The following TAAR5 variants were observed in gnomAD, a reference collection of about 807,000 sequenced individuals.
TAAR5 encodes the protein trace amine associated receptor 5.
In TAAR5, 27 loss-of-function variants were observed where a neutral mutation model predicts 21.1. That is an observed-to-expected ratio of 1.28 (90% CI 0.94 to 1.76). The LOEUF (loss-of-function observed/expected upper bound fraction) is 1.76, where lower values mean the gene tolerates loss of function less well. TAAR5 is among the 40% of genes most tolerant of loss of function. TAAR5 has a pLI of 0.00. For missense variants in TAAR5, 495 were observed against 405.6 expected (o/e 1.22, Z -1.89); for synonymous variants, 203 against 167.5 (o/e 1.21, Z -1.64).
chr6:132,597,640 C>T, the TAAR5 span, among the ~76,000 whole-genome samples: 1 of 152,048 alleles, frequency 6.6e-6, no homozygotes, highest in African/African-American at 2.4e-5. Flanking sequence ...TATTATTGTG[C>T]CTTTTTCTCT....
the TAAR5 span, among the ~76,000 whole-genome samples, chr6:132,595,774 T>C: frequency 6.6e-6 from 1 of 152,148 alleles, no homozygotes; most frequent in Non-Finnish European, 1.5e-5. Context: ...GCAGATTGAG[T>C]TTTTCCTGTC....
At position 132,589,344 on chromosome 6, in the gene TAAR5, T is replaced by C. The variant is rs1183696401; in HGVS notation, c.343A>G (p.Thr115Ala). The change falls in exon 1 of 1, where the codon ACC (threonine) becomes GCC (alanine). Residue 115 changes from threonine to alanine, a missense_variant. Physicochemically the swap from Thr to Ala is moderately conservative, Grantham distance 58. Transcript: ENST00000258034. ...AAGATGGAGGTGAGGCAGAAGAGGGTGTCCAGGTAGGTGTGCAGGCGGCAG... is the reference window on the plus strand; with the variant it reads ...AAGATGGAGGTGAGGCAGAAGAGGGCGTCCAGGTAGGTGTGCAGGCGGCAG... ...FLCRLHTYLD[T>A]LFCLTSIFHL... The C allele has an allele frequency of 1.1e-5, 18 of 1,613,408 alleles. No individual in the cohort carries two copies. In the East Asian group the frequency reaches 3.3e-4, roughly 30 times the overall value.
chr6:132,615,479 T>C, the TAAR5 span, among the ~76,000 whole-genome samples: 3 of 151,668 alleles, frequency 2.0e-5, no homozygotes, highest in Non-Finnish European at 4.4e-5. Context: ...GTCACAAATA[T>C]GAAAAAAATT....
chr6:132,600,980 AGAAGGAAG>A, the TAAR5 span, among the ~76,000 whole-genome samples: 1 of 16,366 alleles, frequency 6.1e-5, no homozygotes. Flanking sequence ...AAGGAGGGAA[AGAAGGAAG>A]GAAGGAGGGA....
the TAAR5 span, among the ~76,000 whole-genome samples, chr6:132,612,189 C>T: frequency 1.3e-5 from 2 of 152,134 alleles, no homozygotes; most frequent in African/African-American, 4.8e-5. Context: ...AATATATTAA[C>T]TCACCACCAT....
the TAAR5 span, among the ~76,000 whole-genome samples, chr6:132,614,286 T>C: frequency 1.3e-5 from 2 of 152,210 alleles, no homozygotes; most frequent in Non-Finnish European, 2.9e-5. Flanking sequence ...ATTTACTGAA[T>C]CATGTCTCGC....
At chr6:132,602,385 A>T in the TAAR5 span, among the ~76,000 whole-genome samples, 1 of 152,226 alleles carries the variant, frequency 6.6e-6, no homozygotes, top group Non-Finnish European at 1.5e-5. Context: ...GGAGACAGTG[A>T]CAGATCCTCA....
the TAAR5 span, among the ~76,000 whole-genome samples, chr6:132,612,967 C>T: frequency 3.9e-5 from 6 of 152,126 alleles, no homozygotes; most frequent in African/African-American, 1.2e-4. Context: ...ATGGGTCTTA[C>T]ATATAAGTAA....
At chr6:132,597,520 G>T in the TAAR5 span, among the ~76,000 whole-genome samples, 1 of 152,112 alleles carries the variant, frequency 6.6e-6, no homozygotes, top group African/African-American at 2.4e-5. Context: ...ACAGAATAAA[G>T]ATTCCTTTTA....
chr6:132,592,358 C>T (rs190647118), upstream of TAAR5, among the ~76,000 whole-genome samples: 15 of 152,328 alleles, frequency 9.8e-5, no homozygotes, highest in African/African-American at 3.1e-4. Flanking sequence ...GTTCTTAGTA[C>T]AAGCTCAAAC....
chr6:132,606,950 C>T, the TAAR5 span, among the ~76,000 whole-genome samples: 1 of 152,142 alleles, frequency 6.6e-6, no homozygotes, highest in Admixed American at 6.5e-5. Context: ...AATCCCAGCA[C>T]TTTGGGAGGC....
chr6:132,597,682 G>A, the TAAR5 span, among the ~76,000 whole-genome samples: 1 of 151,952 alleles, frequency 6.6e-6, no homozygotes, highest in Admixed American at 6.6e-5. Flanking sequence ...CCAAGCATCA[G>A]CAACAAAGGG....
chr6:132,589,628 A>C lies in TAAR5; in HGVS notation c.59T>G (p.Val20Gly). 1 of 1,613,144 alleles carries C rather than the reference A, an allele frequency of 6.2e-7. No homozygotes were observed. Among genetic ancestry groups the C allele is most frequent in the Non-Finnish European group, 8.5e-7 (1 of 1,179,650 alleles). Residue 20 changes from valine to glycine, a missense_variant, in exon 1 of 1, where the codon GTG becomes GGG. Coordinates refer to ENST00000258034, the MANE Select transcript of TAAR5 (RefSeq NM_003967.3). ...TACTGTCCTGGGGCAAGACCCATTC[A>C]CCTGGTAGCAGAATGCCGCAGGGTG... ...EEHPAAFCYQ[V>G]NGSCPRTVHT...
chr6:132,600,811 AGGAAGGAG>A, the TAAR5 span, among the ~76,000 whole-genome samples: 1 of 117,162 alleles, frequency 8.5e-6, no homozygotes, highest in African/African-American at 3.2e-5. Context: ...GAAGGAAGGA[AGGAAGGAG>A]GGAGGGAAGG....
rs761857941 is a variant in TAAR5 at position 132,589,045 on chromosome 6, A to G, written c.642T>C (p.Ile214=). 1.9e-6 allele frequency: 3 copies of G among 1,614,132 alleles called. No homozygotes were observed. The highest frequency in any genetic ancestry group is 1.7e-6 in the Non-Finnish European group (2 of 1,180,000). Residue 214 remains isoleucine, a synonymous_variant, in exon 1 of 1, where the codon ATT becomes ATC. Coordinates refer to ENST00000258034, the MANE Select transcript of TAAR5 (RefSeq NM_003967.3). ...AGATCTTCACATACAAGCTGATCAT[A>G]ATGAGGCAGGGGACAAAGAACAAAG... ...NFPLFFVPCL[I]MISLYVKIFV...
At chr6:132,592,086 A>G (rs1367593682), upstream of TAAR5, among the ~76,000 whole-genome samples, 1 of 152,232 alleles carries the variant, frequency 6.6e-6, no homozygotes, top group Non-Finnish European at 1.5e-5. Context: ...AATCACAGGC[A>G]AAAGTAATTG....
upstream of TAAR5, among the ~76,000 whole-genome samples, chr6:132,594,181 TA>T (rs1333282045): frequency 3.3e-5 from 5 of 152,178 alleles, no homozygotes; most frequent in African/African-American, 1.2e-4. Flanking sequence ...AGATTCTTTT[TA>T]TTGGAGTTGT....
the TAAR5 span, among the ~76,000 whole-genome samples, chr6:132,615,616 G>A: frequency 2.0e-5 from 3 of 151,760 alleles, no homozygotes; most frequent in Non-Finnish European, 4.4e-5. Context: ...CTAATCCTGG[G>A]AAATGAAGAC....
At chr6:132,614,740 T>A in the TAAR5 span, among the ~76,000 whole-genome samples, 1 of 152,298 alleles carries the variant, frequency 6.6e-6, no homozygotes, top group East Asian at 1.9e-4. Context: ...AGAACTCAGA[T>A]CCAGGAGCTT....
Sources: gnomAD v4.1 joint callset for allele counts (sites outside exome capture counted in the v4.1 genomes callset) on GRCh38, gnomAD v4.1.1 for gene constraint, MANE v1.5 for transcripts, NCBI Gene and HGNC (gene_info 2026-07-23, HGNC 2026-07-21) for gene names.